Variants in CTBP2 observed in about 807,000 individuals in gnomAD.
CTBP2 encodes the protein C-terminal binding protein 2, also known as C-terminal-binding protein 2.
A neutral mutation model predicts 80.3 loss-of-function variants in CTBP2; 30 were observed. The ratio of observed to expected loss-of-function variants is 0.37; its 90% CI spans 0.28 to 0.51. The LOEUF (loss-of-function observed/expected upper bound fraction) is 0.51, where lower values mean the gene tolerates loss of function less well. Among genes scored for constraint, CTBP2 ranks in the 20% least tolerant of loss-of-function variants. The pLI, the probability that CTBP2 is intolerant of heterozygous loss-of-function variation, is 0.93. For missense variants in CTBP2, 1,212 were observed against 1,375.3 expected (o/e 0.88, Z 1.88); for synonymous variants, 594 against 587.4 (o/e 1.01, Z -0.16).
chr10:125,148,189 C>T (rs1859151232), intron 1 of CTBP2, among the ~76,000 whole-genome samples: 2 of 152,180 alleles, frequency 1.3e-5, no homozygotes, highest in African/African-American at 2.4e-5. Context: ...AAGACATTCA[C>T]GACCTTCCAG....
Position 124,984,413 on chromosome 10 carries a change from G to A in CTBP2, c.*5105C>T, listed in dbSNP as rs934655683. The stretch of plus-strand genomic sequence containing the variant: ...AAAAAAAGTTCATAGACCGTAACTT[G>A]TATAATTTCAGCTTGTACATAATTG... On this transcript the variant is annotated 3_prime_UTR_variant, in exon 9 of 9. Coordinates refer to ENST00000309035, the MANE Select transcript of CTBP2 (RefSeq NM_022802.3). The A allele has an allele frequency of 5.1e-6, 1 of 195,930 alleles. No homozygotes were observed. Among genetic ancestry groups the A allele is most frequent in the African/African-American group, 2.3e-5 (1 of 42,984 alleles). The allele number at this position is 195,930 out of a possible 1,614,324, so 12.1% of individuals were successfully genotyped here.
At chr10:125,136,915 A>G (rs1389585611) in intron 1 of CTBP2, among the ~76,000 whole-genome samples, 6 of 152,170 alleles carry the variant, frequency 3.9e-5, no homozygotes, top group African/African-American at 1.4e-4. Context: ...AAGAGCCGGG[A>G]GCGATTTCAA....
chr10:125,161,710 C>T (rs1490731414), upstream of CTBP2, among the ~76,000 whole-genome samples: 4 of 149,802 alleles, frequency 2.7e-5, no homozygotes, highest in Middle Eastern at 3.2e-3. Flanking sequence ...CATTCTTACA[C>T]ATTGAAAAAA....
At chr10:125,103,390 A>T (rs1850939102) in intron 2 of CTBP2, among the ~76,000 whole-genome samples, 1 of 152,094 alleles carries the variant, frequency 6.6e-6, no homozygotes, top group South Asian at 2.1e-4. Context: ...TGCGGAAATC[A>T]CTCTGGAAGG....
chr10:125,050,319 C>A (rs1167078688), intron 2 of CTBP2, among the ~76,000 whole-genome samples: 1 of 152,250 alleles, frequency 6.6e-6, no homozygotes, highest in Non-Finnish European at 1.5e-5. Context: ...TTCAAAGACA[C>A]CGCTTCCCAG....
intron 2 of CTBP2, among the ~76,000 whole-genome samples, chr10:125,083,288 G>A (rs1197537443): frequency 6.6e-6 from 1 of 152,168 alleles, no homozygotes; most frequent in Non-Finnish European, 1.5e-5. Flanking sequence ...ACTCAGAAAA[G>A]CCTCTCTTGA....
In CTBP2 at chr10:124,989,354, T is replaced by A; in HGVS notation, c.*164A>T. On this transcript the variant is annotated 3_prime_UTR_variant, in exon 9 of 9. Coordinates refer to ENST00000309035, the MANE Select transcript of CTBP2 (RefSeq NM_022802.3). ...TCAGCGCTTCCGTAAGCAGACGACA[T>A]CTTCAGTTTTCTAGCTCTTGTAGTT... The A allele has an allele frequency of 2.5e-6, 2 of 790,492 alleles. No homozygotes were observed. The highest frequency in any genetic ancestry group is 2.1e-6 in the Non-Finnish European group (1 of 465,826). The allele number at this position is 790,492 out of a possible 1,614,324, so 49.0% of individuals were successfully genotyped here.
At chr10:125,098,692 G>C (rs1693640) in intron 2 of CTBP2, among the ~76,000 whole-genome samples, 1,957 of 117,936 alleles carry the variant, frequency 0.017, 56 homozygotes, top group African/African-American at 0.045. Context: ...GAGAGAGAGA[G>C]AGAGAGAGAG....
intron 1 of CTBP2, among the ~76,000 whole-genome samples, chr10:125,009,651 G>A (rs1460215729): frequency 6.6e-6 from 1 of 152,192 alleles, no homozygotes; most frequent in Non-Finnish European, 1.5e-5. Context: ...TGCTAACAGT[G>A]TTATTTCAGA....
intron 1 of CTBP2, among the ~76,000 whole-genome samples, chr10:125,126,056 G>T (rs1554945905): frequency 6.6e-6 from 1 of 152,246 alleles, no homozygotes; most frequent in African/African-American, 2.4e-5. Flanking sequence ...GACTGAGGTT[G>T]CGGGAAGGCA....
chr10:125,113,221 ACACAAG>A (rs1852610683), intron 1 of CTBP2, among the ~76,000 whole-genome samples: 1 of 152,226 alleles, frequency 6.6e-6, no homozygotes, highest in Non-Finnish European at 1.5e-5. Flanking sequence ...GCCTATAGTG[ACACAAG>A]CATCTAACAG....
intron 1 of CTBP2, chr10:125,006,034 C>T (rs1438154760): frequency 7.1e-7 from 1 of 1,400,860 alleles, no homozygotes; most frequent in African/African-American, 1.4e-5. Context: ...TCCGCAGCAT[C>T]ATCAGTGCAT....
At chr10:125,114,761 C>T (rs1434353124) in intron 1 of CTBP2, among the ~76,000 whole-genome samples, 1 of 152,064 alleles carries the variant, frequency 6.6e-6, no homozygotes. Context: ...AGAACAGCTT[C>T]TGTACTCTGC....
At position 125,022,161 on chromosome 10, in the gene CTBP2, C is replaced by T. The variant is rs549705557; in HGVS notation, c.1678+3921G>A. Among the ~76,000 whole-genome samples the T allele has an allele frequency of 1.3e-4, 20 of 152,250 alleles. No individual in the cohort carries two copies. The East Asian group carries it at 3.5e-3, about 27-fold the overall frequency. On this transcript the variant is annotated intron_variant, in intron 1 of 8. Transcript: ENST00000309035. ...CTCTCCCCTGGCCCCAGTCTGGCTG[C>T]GGTGCTGAGCTCTGCCCTTCTCCTG... is the stretch of plus-strand genomic sequence containing the variant.
rs1952084343 is a variant in CTBP2 at position 124,987,497 on chromosome 10, T to G, written c.*2021A>C. 6.6e-6 allele frequency: 1 copy of G among 152,152 alleles called. No individual in the cohort carries two copies. The highest frequency in any genetic ancestry group is 2.1e-4 in the South Asian group (1 of 4,830). The allele number at this position is 152,152 out of a possible 1,614,324, so 9.4% of individuals were successfully genotyped here. A position where few individuals can be genotyped will look rare whatever the true frequency, so the allele number is the denominator to read the frequency against. Reference sequence around the variant, plus strand: ...TCGTGTCCCAGACTTCTTCACATATTCGTGAAGGTAAGATATTCTGTGTGC... The same window carrying G: ...TCGTGTCCCAGACTTCTTCACATATGCGTGAAGGTAAGATATTCTGTGTGC... On this transcript the variant is annotated 3_prime_UTR_variant, in exon 9 of 9. Transcript: ENST00000309035.
At chr10:125,117,493 C>T (rs1224378410) in intron 1 of CTBP2, among the ~76,000 whole-genome samples, 3 of 152,286 alleles carry the variant, frequency 2.0e-5, no homozygotes, top group South Asian at 2.1e-4. Context: ...ATTAATTACG[C>T]GCCTGGCCAG....
intron 1 of CTBP2, among the ~76,000 whole-genome samples, chr10:125,008,460 G>C (rs1349459331): frequency 6.6e-6 from 1 of 152,230 alleles, no homozygotes; most frequent in Non-Finnish European, 1.5e-5. Context: ...TTCATGAGAA[G>C]AACCGCTGCT....
intron 1 of CTBP2, among the ~76,000 whole-genome samples, chr10:125,019,833 T>C (rs1422987206): frequency 6.6e-6 from 1 of 152,130 alleles, no homozygotes; most frequent in African/African-American, 2.4e-5. Context: ...AAGGACACTA[T>C]CAAGAAATTG....
chr10:125,051,317 G>T (rs1224889341), intron 2 of CTBP2, among the ~76,000 whole-genome samples: 1 of 152,134 alleles, frequency 6.6e-6, no homozygotes, highest in Non-Finnish European at 1.5e-5. Flanking sequence ...TTATGGTCTT[G>T]ATGTCAATTA....
Sources: gnomAD v4.1 joint callset for allele counts (sites outside exome capture counted in the v4.1 genomes callset) on GRCh38, gnomAD v4.1.1 for gene constraint, MANE v1.5 for transcripts, NCBI Gene and HGNC (gene_info 2026-07-23, HGNC 2026-07-21) for gene names.